The following LRRC28 variants were observed in gnomAD, a reference collection of about 807,000 sequenced individuals.
The protein encoded by LRRC28 is leucine rich repeat containing 28.
In LRRC28, 39 loss-of-function variants were observed where a neutral mutation model predicts 45.7. The observed-to-expected ratio is 0.85, with a 90% CI of 0.66 to 1.12. The LOEUF is 1.12. LRRC28 is among the 50% of genes most tolerant of loss of function. LRRC28 has a pLI of 0.00. For missense variants in LRRC28, 435 were observed against 438.5 expected, an observed-to-expected ratio of 0.99 and a Z score of 0.07; for synonymous variants, 206 against 178.8, an observed-to-expected ratio of 1.15 and a Z score of -1.22.
At chr15:99,363,303 G>GGC (rs779862338) in intron 9 of LRRC28, 38 bp downstream of exon 9, 3 of 1,605,244 alleles carry the variant, frequency 1.9e-6, no homozygotes. Flanking sequence ...TTTACACCCA[G>GGC]GCAAGGGGTG....
Position 99,287,846 on chromosome 15 carries a change from G to A in LRRC28, c.280G>A (p.Asp94Asn). 3.1e-6 allele frequency: 5 copies of A among 1,613,328 alleles called. No individual in the cohort carries two copies. The highest frequency in any genetic ancestry group is 4.2e-6 in the Non-Finnish European group (5 of 1,179,616). Residue 94 changes from aspartate to asparagine, a missense_variant, in exon 5 of 10, where the codon GAT becomes AAT. Physicochemically the swap from Asp to Asn is conservative, Grantham distance 23. Transcript: ENST00000301981. ...GTCTCTTGTAAAACTCCAATGTCTG[G>A]ATCTTAGTGACAATGCCTTAGAAAT... is the stretch of plus-strand genomic sequence containing the variant. ...IGSLVKLQCLDLSDNALEIVC... is the reference protein window; with the variant it reads ...IGSLVKLQCLNLSDNALEIVC...
intron 8 of LRRC28, among the ~76,000 whole-genome samples, 194 bp from the exon 9 acceptor site, chr15:99,362,912 A>T (rs1181262407): frequency 2.0e-5 from 3 of 152,220 alleles, no homozygotes; most frequent in Non-Finnish European, 4.4e-5. Flanking sequence ...TTCTTTTAGT[A>T]TCAAAAATAT....
At chr15:99,299,620 G>T (rs2082347152) in intron 5 of LRRC28, among the ~76,000 whole-genome samples, 1 of 152,154 alleles carries the variant, frequency 6.6e-6, no homozygotes, top group Non-Finnish European at 1.5e-5. Flanking sequence ...AGTAATTTTA[G>T]AGTTAACGCT....
chr15:99,387,629 G>A lies in LRRC28; in HGVS notation c.*1527G>A, dbSNP rs961859764. ...GTATTTGCTCTTCCTTTCAAAGGAT[G>A]GCATTTTAATGTTGCTTTGCTGCCA... On this transcript the variant is annotated 3_prime_UTR_variant, in exon 10 of 10. Transcript: ENST00000301981. 1 of 152,186 alleles carries A rather than the reference G, an allele frequency of 6.6e-6. No homozygotes were observed. The highest frequency in any genetic ancestry group is 1.5e-5 in the Non-Finnish European group (1 of 68,034). The allele number at this position is 152,186 out of a possible 1,614,324, so 9.4% of individuals were successfully genotyped here.
At chr15:99,327,268 T>G (rs187032767) in intron 5 of LRRC28, among the ~76,000 whole-genome samples, 381 of 152,082 alleles carry the variant, frequency 2.5e-3, no homozygotes, top group African/African-American at 8.2e-3. Context: ...AGAGATGAGA[T>G]TTCACCATGT....
At chr15:99,281,475 T>C (rs2081789640) in intron 3 of LRRC28, among the ~76,000 whole-genome samples, 1 of 151,148 alleles carries the variant, frequency 6.6e-6, no homozygotes, top group Non-Finnish European at 1.5e-5. Context: ...TTACAGTTCT[T>C]ATAATGTTCA....
At chr15:99,352,180 G>T (rs1466113690) in intron 6 of LRRC28, among the ~76,000 whole-genome samples, 189 bp from the exon 7 acceptor site, 2 of 152,184 alleles carry the variant, frequency 1.3e-5, no homozygotes, top group Admixed American at 6.5e-5. Context: ...GCCAAGCAAA[G>T]AATCTGTATC....
chr15:99,253,160 G>A (rs146308261), intron 1 of LRRC28, among the ~76,000 whole-genome samples: 1 of 151,430 alleles, frequency 6.6e-6, no homozygotes, highest in East Asian at 1.9e-4. Context: ...TCGCTCTGTC[G>A]CTCAGGTTGG....
chr15:99,341,543 A>T (rs748000411), intron 6 of LRRC28, among the ~76,000 whole-genome samples: 4 of 152,204 alleles, frequency 2.6e-5, no homozygotes, highest in Non-Finnish European at 5.9e-5. Context: ...ATGTATGAAG[A>T]GAAAAGTGCA....
chr15:99,324,963 C>T (rs924142611), intron 5 of LRRC28, among the ~76,000 whole-genome samples: 2 of 152,082 alleles, frequency 1.3e-5, no homozygotes, highest in Non-Finnish European at 2.9e-5. Context: ...TCAATTTCTA[C>T]CAAAAAAAGC....
chr15:99,380,427 G>A (rs1957784018), intron 9 of LRRC28, among the ~76,000 whole-genome samples: 1 of 152,190 alleles, frequency 6.6e-6, no homozygotes, highest in Non-Finnish European at 1.5e-5. Context: ...GAGCCTGTGT[G>A]TGTCTCTGCA....
intron 9 of LRRC28, among the ~76,000 whole-genome samples, chr15:99,365,685 G>A (rs1957320608): frequency 6.6e-6 from 1 of 152,062 alleles, no homozygotes; most frequent in Non-Finnish European, 1.5e-5. Flanking sequence ...CATTATATCA[G>A]CCAATATCTA....
At chr15:99,331,224 T>G (rs565862617) in intron 5 of LRRC28, among the ~76,000 whole-genome samples, 2 of 152,314 alleles carry the variant, frequency 1.3e-5, no homozygotes, top group African/African-American at 4.8e-5. Context: ...CCATGTAAAT[T>G]TTGATGGATT....
At chr15:99,320,824 C>T (rs1955770026) in intron 5 of LRRC28, 1 of 152,110 alleles carries the variant, frequency 6.6e-6, no homozygotes, top group East Asian at 1.9e-4. Context: ...AACAAATACA[C>T]CCAGATTCCA....
chr15:99,379,657 T>C (rs1406331711), intron 9 of LRRC28, among the ~76,000 whole-genome samples: 1 of 152,256 alleles, frequency 6.6e-6, no homozygotes, highest in East Asian at 1.9e-4. Context: ...AGATCTTTCC[T>C]GTTTTCTCTT....
At chr15:99,336,873 A>G (rs1956342262) in intron 6 of LRRC28, among the ~76,000 whole-genome samples, 1 of 152,070 alleles carries the variant, frequency 6.6e-6, no homozygotes, top group Non-Finnish European at 1.5e-5. Context: ...TGTCTTGGTT[A>G]TTCCATTACA....
intron 5 of LRRC28, among the ~76,000 whole-genome samples, chr15:99,319,611 A>G (rs555274338): frequency 1.3e-5 from 2 of 151,866 alleles, no homozygotes; most frequent in Non-Finnish European, 2.9e-5. Context: ...ATTCTAGTGC[A>G]TAATCTAGTC....
intron 2 of LRRC28, chr15:99,258,128 T>C: frequency 1.2e-6 from 2 of 1,607,708 alleles, no homozygotes; most frequent in African/African-American, 1.3e-5. Flanking sequence ...AGCCAAATCT[T>C]GAACAAACGA....
intron 5 of LRRC28, among the ~76,000 whole-genome samples, chr15:99,309,624 G>GT (rs1299081279): frequency 6.6e-6 from 1 of 152,138 alleles, no homozygotes; most frequent in Non-Finnish European, 1.5e-5. Flanking sequence ...GGCCAGGCTG[G>GT]TCTTGAACTC....
Sources: allele counts gnomAD v4.1 joint callset (sites outside exome capture counted in the v4.1 genomes callset), GRCh38; gene constraint gnomAD v4.1.1; transcripts MANE v1.5; gene names NCBI Gene and HGNC (gene_info 2026-07-23, HGNC 2026-07-21).